The following TBCK variants were observed in gnomAD, a reference collection of about 807,000 sequenced individuals.
TBCK encodes the protein TBC domain-containing protein kinase-like protein.
In TBCK, 99 loss-of-function variants were observed where a neutral mutation model predicts 113.4. That is an observed-to-expected ratio of 0.87 (90% confidence interval 0.74 to 1.03). The LOEUF (loss-of-function observed/expected upper bound fraction) is 1.03. TBCK is among the 50% of genes least tolerant of loss of function. The pLI is 0.00. For missense variants in TBCK, 1,045 were observed against 1,061.3 expected (o/e 0.98, Z 0.21); for synonymous variants, 369 against 370.8 (o/e 1.00, Z 0.05).
Position 106,135,718 on chromosome 4 carries a change from G to A in TBCK, c.2236-19340C>T, listed in dbSNP as rs906274898. On this transcript the variant is annotated intron_variant, in intron 23 of 25. Transcript: ENST00000394708. Reference sequence around the variant, plus strand: ...TGAATACCTATTAGGTACCACTCACGGTACTTGGGATATTTCAATTAACAA... The same window carrying A: ...TGAATACCTATTAGGTACCACTCACAGTACTTGGGATATTTCAATTAACAA... Among the ~76,000 whole-genome samples, 8 of 141,476 alleles carry A rather than the reference G, an allele frequency of 5.7e-5. 1 individual carries two copies. Among genetic ancestry groups the A allele is most frequent in the African/African-American group, 1.7e-4 (7 of 40,004 alleles). 92.8% of individuals were successfully genotyped at this position (141,476 alleles called of 152,430 possible).
Position 106,230,426 on chromosome 4 carries a change from AC to A in TBCK, c.1710del (p.Met570IlefsTer14). Reference protein sequence around the residue: ...FNNEALAYACMSAFIPKYLYN... With the variant: ...FNNEALAYACXSAFIPKYLYN... The stretch of plus-strand genomic sequence containing the variant: ...TACAGGTATTTGGGAATAAAAGCAG[AC>A]ATACATGCATAAGCCAAGGCTAAAA... On this transcript the variant is annotated frameshift_variant, in exon 19 of 26. Coordinates refer to ENST00000394708, the MANE Select transcript of TBCK (RefSeq NM_001163435.3). LOFTEE classifies it high-confidence loss of function. 6.2e-7 allele frequency: 1 copy of A among 1,603,332 alleles called. No homozygotes were observed. Among genetic ancestry groups the A allele is most frequent in the South Asian group, 1.1e-5 (1 of 89,808 alleles).
intron 3 of TBCK, among the ~76,000 whole-genome samples, chr4:106,278,131 T>G (rs542078688): frequency 6.6e-6 from 1 of 152,178 alleles, no homozygotes; most frequent in Non-Finnish European, 1.5e-5. Context: ...TAAGGTAATA[T>G]GAAGGCATTT....
chr4:106,127,725 A>T (rs564069158), intron 23 of TBCK, among the ~76,000 whole-genome samples: 3 of 152,276 alleles, frequency 2.0e-5, no homozygotes, highest in African/African-American at 4.8e-5. Context: ...AAACCTCAAT[A>T]GGCCTTTTTA....
At chr4:106,300,400 G>GT (rs999879342) in intron 2 of TBCK, among the ~76,000 whole-genome samples, 3 of 151,962 alleles carry the variant, frequency 2.0e-5, no homozygotes, top group African/African-American at 7.3e-5. Flanking sequence ...TAAAGTAGTG[G>GT]TTTTTTTGTT....
intron 23 of TBCK, among the ~76,000 whole-genome samples, chr4:106,152,771 T>G (rs1748649915): frequency 6.6e-6 from 1 of 152,102 alleles, no homozygotes; most frequent in African/African-American, 2.4e-5. Context: ...GTTGTTGATC[T>G]ATTCAGATTT....
intron 4 of TBCK, among the ~76,000 whole-genome samples, 170 bp from the exon 5 acceptor site, chr4:106,260,680 A>G (rs1338824878): frequency 1.3e-5 from 2 of 151,946 alleles, no homozygotes; most frequent in East Asian, 3.8e-4. Flanking sequence ...TTTATAAAAA[A>G]CTATCTGCCA....
At chr4:106,080,094 T>C (rs1364311288) in intron 25 of TBCK, among the ~76,000 whole-genome samples, 1 of 152,064 alleles carries the variant, frequency 6.6e-6, no homozygotes, top group Non-Finnish European at 1.5e-5. Flanking sequence ...ATTGATAAAA[T>C]GGCCATACTG....
chr4:106,120,502 C>T (rs1168533156), intron 23 of TBCK, among the ~76,000 whole-genome samples: 1 of 152,210 alleles, frequency 6.6e-6, no homozygotes, highest in African/African-American at 2.4e-5. Flanking sequence ...TAGGCTCCAC[C>T]TCTGGGGGCA....
chr4:106,194,826 T>C (rs1031517568), intron 20 of TBCK, 72 bp from the exon 21 acceptor site: 4 of 1,270,224 alleles, frequency 3.1e-6, no homozygotes, highest in Non-Finnish European at 4.4e-6. Flanking sequence ...TGATTACCAA[T>C]AAACTAAATG....
intron 24 of TBCK, among the ~76,000 whole-genome samples, chr4:106,097,313 C>T (rs1436866651): frequency 6.6e-6 from 1 of 152,128 alleles, no homozygotes; most frequent in Non-Finnish European, 1.5e-5. Flanking sequence ...TTAAACCACA[C>T]TTTCCTTATT....
At chr4:106,105,192 A>G (rs1308680460) in intron 24 of TBCK, among the ~76,000 whole-genome samples, 1 of 152,160 alleles carries the variant, frequency 6.6e-6, no homozygotes, top group Non-Finnish European at 1.5e-5. Context: ...AGGCCAGTCC[A>G]TCTCCCACAG....
At chr4:106,312,287 A>C (rs1460908158) in intron 1 of TBCK, among the ~76,000 whole-genome samples, 1 of 152,230 alleles carries the variant, frequency 6.6e-6, no homozygotes, top group East Asian at 1.9e-4. Flanking sequence ...ATAATAAAAC[A>C]AGCCAATACA....
intron 3 of TBCK, among the ~76,000 whole-genome samples, chr4:106,289,797 T>C (rs1429700778): frequency 6.7e-6 from 1 of 150,018 alleles, no homozygotes; most frequent in Non-Finnish European, 1.5e-5. Context: ...AAAAAGACGA[T>C]TGATGTATTA....
rs541613416 is a variant in TBCK at position 106,160,048 on chromosome 4, G to A, written c.2235+11047C>T. On this transcript the variant is annotated intron_variant, in intron 23 of 25. Coordinates refer to ENST00000394708, the MANE Select transcript of TBCK (RefSeq NM_001163435.3). ...GTAAAGAACAGTCTTTTCAGCAGAT[G>A]TTTCTGGAAAAACTGTATATCTCCA... Among the ~76,000 whole-genome samples, 6 of 152,114 alleles carry A rather than the reference G, an allele frequency of 3.9e-5. No individual in the cohort carries two copies. The East Asian group carries it at 1.2e-3, about 29-fold the overall frequency.
chr4:106,177,471 T>C (rs557047579), intron 22 of TBCK, among the ~76,000 whole-genome samples: 2 of 152,070 alleles, frequency 1.3e-5, no homozygotes, highest in Admixed American at 1.3e-4. Flanking sequence ...TGTCTTACAT[T>C]TAAGTCTTTA....
chr4:106,090,329 G>A (rs1255629455), intron 25 of TBCK, among the ~76,000 whole-genome samples: 1 of 152,198 alleles, frequency 6.6e-6, no homozygotes, highest in African/African-American at 2.4e-5. Flanking sequence ...TCCTGAGGCT[G>A]TGCAGGGAAG....
intron 3 of TBCK, among the ~76,000 whole-genome samples, chr4:106,281,631 G>A (rs1043476003): frequency 1.3e-5 from 2 of 151,968 alleles, no homozygotes; most frequent in Admixed American, 6.6e-5. Context: ...GAAGGGTTGT[G>A]GAATTTTATC....
intron 19 of TBCK, among the ~76,000 whole-genome samples, chr4:106,215,700 A>G (rs1448726589): frequency 2.0e-5 from 3 of 151,988 alleles, no homozygotes; most frequent in Non-Finnish European, 4.4e-5. Context: ...ATACAGGAGC[A>G]CCCAGATTCA....
intron 23 of TBCK, among the ~76,000 whole-genome samples, chr4:106,161,701 TG>T (rs1749808397): frequency 1.5e-5 from 1 of 67,584 alleles, no homozygotes; most frequent in African/African-American, 6.9e-5. Context: ...TAGGTGTGTC[TG>T]TGTGTGTGTG....
Sources: gnomAD v4.1 joint callset for allele counts (sites outside exome capture counted in the v4.1 genomes callset) on GRCh38, gnomAD v4.1.1 for gene constraint, MANE v1.5 for transcripts, NCBI Gene and HGNC (gene_info 2026-07-23, HGNC 2026-07-21) for gene names.